The following MLLT10 variants were observed in gnomAD, a reference collection of about 807,000 sequenced individuals.
MLLT10 encodes protein AF-10.
MLLT10 carries 30 observed loss-of-function variants against 129.1 expected under a neutral mutation model. The ratio of observed to expected loss-of-function variants is 0.23; its 90% CI spans 0.17 to 0.32. MLLT10 has a LOEUF of 0.32. MLLT10 is among the 10% of genes least tolerant of loss of function. MLLT10 has a pLI of 1.00. For missense variants in MLLT10, 1,119 were observed against 1,268.3 expected, an observed-to-expected ratio of 0.88 and a Z score of 1.79; for synonymous variants, 490 against 446.4, an observed-to-expected ratio of 1.10 and a Z score of -1.23.
chr10:21,573,548 A>G (rs1345210080), intron 3 of MLLT10, among the ~76,000 whole-genome samples: 2 of 151,102 alleles, frequency 1.3e-5, no homozygotes, highest in African/African-American at 4.9e-5. Flanking sequence ...TCATTGTTTT[A>G]TTTTCAAATG....
chr10:21,647,658 G>A (rs1472584618), intron 8 of MLLT10, among the ~76,000 whole-genome samples: 1 of 149,516 alleles, frequency 6.7e-6, no homozygotes, highest in Non-Finnish European at 1.5e-5. Flanking sequence ...TAATACTTGG[G>A]TTGCATGTTT....
intron 3 of MLLT10, among the ~76,000 whole-genome samples, chr10:21,542,525 G>A (rs2035357314): frequency 6.6e-6 from 1 of 152,226 alleles, no homozygotes; most frequent in South Asian, 2.1e-4. Flanking sequence ...AGCTGAGATC[G>A]TGCCATTGCA....
rs1369521509 is a variant in MLLT10 at position 21,561,744 on chromosome 10, A to G, written c.240+22832A>G. ...CTTTTGTTGAAAATCACTTCACCAT[A>G]TAAGCGAGAGTTTATTTCTGAACTC... On this transcript the variant is annotated intron_variant, in intron 3 of 22. Coordinates refer to ENST00000307729, the MANE Select transcript of MLLT10 (RefSeq NM_001195626.3). 1.8e-4 allele frequency among the ~76,000 whole-genome samples: 27 copies of G among 152,206 alleles called. No individual in the cohort carries two copies. In the East Asian group the frequency reaches 4.8e-3, roughly 27 times the overall value.
Position 21,549,588 on chromosome 10 carries a change from C to T in MLLT10, c.240+10676C>T, listed in dbSNP as rs145353884. Among the ~76,000 whole-genome samples, 208 of 150,444 alleles carry T rather than the reference C, an allele frequency of 1.4e-3. 2 individuals are homozygous for T. Among genetic ancestry groups the T allele is most frequent in the African/African-American group, 4.8e-3 (195 of 41,036 alleles). Reference sequence around the variant, plus strand: ...GCTGGAACTGCAGTCATTGTGACTACAAAAGAAGTCCCAGGCAGAAAGAAG... The same window carrying T: ...GCTGGAACTGCAGTCATTGTGACTATAAAAGAAGTCCCAGGCAGAAAGAAG... On this transcript the variant is annotated intron_variant, in intron 3 of 22. Coordinates refer to ENST00000307729, the MANE Select transcript of MLLT10 (RefSeq NM_001195626.3).
chr10:21,702,468 A>C (rs539393384), intron 13 of MLLT10, among the ~76,000 whole-genome samples: 10 of 152,310 alleles, frequency 6.6e-5, no homozygotes, highest in African/African-American at 2.4e-4. Context: ...GTTGGAGTCC[A>C]GTGTTCGTTT....
chr10:21,733,573 C>A lies in MLLT10; in HGVS notation c.2477C>A (p.Ser826Tyr). The A allele has an allele frequency of 5.1e-6, 8 of 1,569,214 alleles. No homozygotes were observed. The highest frequency in any genetic ancestry group is 6.9e-6 in the Non-Finnish European group (8 of 1,161,252). ...HIGNSFLPDN[S>Y]LPVLNQDLTS... ...GGAAACAGCTTTTTACCTGATAATTCTCTTCCTGTATTAAATCAGGTAATT... is the reference window on the plus strand; with the variant it reads ...GGAAACAGCTTTTTACCTGATAATTATCTTCCTGTATTAAATCAGGTAATT... The change falls in exon 19 of 23, where the codon TCT (serine) becomes TAT (tyrosine). Residue 826 changes from serine to tyrosine, a missense_variant. Physicochemically the swap from Ser to Tyr is moderately radical, Grantham distance 144 (BLOSUM62 -2). Coordinates refer to ENST00000307729, the MANE Select transcript of MLLT10 (RefSeq NM_001195626.3).
At chr10:21,683,802 A>G (rs1470884868) in intron 13 of MLLT10, among the ~76,000 whole-genome samples, 2 of 151,054 alleles carry the variant, frequency 1.3e-5, no homozygotes, top group Non-Finnish European at 2.9e-5. Flanking sequence ...GTTGGAGTGC[A>G]GTGGCGTGAT....
intron 9 of MLLT10, among the ~76,000 whole-genome samples, chr10:21,660,210 G>T (rs187819983): frequency 3.3e-5 from 5 of 150,942 alleles, no homozygotes; most frequent in Admixed American, 3.3e-4. Context: ...TAAGCCATTT[G>T]CCCCCCCTTA....
intron 14 of MLLT10, among the ~76,000 whole-genome samples, chr10:21,714,664 T>A (rs1377897459): frequency 2.0e-5 from 3 of 152,148 alleles, no homozygotes; most frequent in Non-Finnish European, 4.4e-5. Context: ...CCCGACTAGC[T>A]GAGATTACAG....
At chr10:21,686,148 A>G (rs545524642) in intron 13 of MLLT10, among the ~76,000 whole-genome samples, 1 of 152,324 alleles carries the variant, frequency 6.6e-6, no homozygotes, top group African/African-American at 2.4e-5. Flanking sequence ...CTTACAATTT[A>G]TTAAGATCAT....
chr10:21,647,657 G>C (rs991993745), intron 8 of MLLT10, among the ~76,000 whole-genome samples: 1 of 151,706 alleles, frequency 6.6e-6, no homozygotes, highest in Admixed American at 6.6e-5. Flanking sequence ...TTAATACTTG[G>C]GTTGCATGTT....
rs200387764 is a variant in MLLT10, at chr10:21,673,903, A to T, written c.1605A>T (p.Ser535=). The T allele has an allele frequency of 5.1e-5, 82 of 1,597,726 alleles. No individual in the cohort carries two copies. In the South Asian group the frequency reaches 7.7e-4, roughly 15 times the overall value. ...GTTTACAGAGCCTCAGTGTTGGCTCATCTCCAGTTGGTTCAGGTAGGGGTT... is the reference window on the plus strand; with the variant it reads ...GTTTACAGAGCCTCAGTGTTGGCTCTTCTCCAGTTGGTTCAGGTAGGGGTT... ...NGSLQSLSVG[S]SPVGSEISMQ... The change falls in exon 11 of 23, where the codon TCA becomes TCT. Residue 535 remains serine (S), a synonymous_variant. Coordinates refer to ENST00000307729, the MANE Select transcript of MLLT10 (RefSeq NM_001195626.3).
In MLLT10 at chr10:21,570,583, T is replaced by G. The variant is rs1564431095; in HGVS notation, c.241-15711T>G. ...TATCACGTATTACATTTTTTAGTGG[T>G]TTTTTTTTTCTGTGTTTCATTTAGG... On this transcript the variant is annotated intron_variant, in intron 3 of 22. Coordinates refer to ENST00000307729, the MANE Select transcript of MLLT10 (RefSeq NM_001195626.3). Among the ~76,000 whole-genome samples, 6 of 149,552 alleles carry G rather than the reference T, an allele frequency of 4.0e-5. No individual in the cohort carries two copies. The Admixed American group carries it at 4.0e-4, about 10-fold the overall frequency.
chr10:21,624,909 T>C (rs2046277444), intron 8 of MLLT10: 4 of 1,292,814 alleles, frequency 3.1e-6, no homozygotes, highest in Non-Finnish European at 4.3e-6. Context: ...CTTTTGTGAA[T>C]AGCCAGCTCT....
intron 8 of MLLT10, among the ~76,000 whole-genome samples, chr10:21,642,253 T>G (rs2048079634): frequency 6.6e-6 from 1 of 152,176 alleles, no homozygotes; most frequent in Non-Finnish European, 1.5e-5. Flanking sequence ...CACTGGAGGC[T>G]GAGGCAGAAG....
intron 14 of MLLT10, among the ~76,000 whole-genome samples, chr10:21,723,932 A>G (rs1355787150): frequency 6.6e-6 from 1 of 152,192 alleles, no homozygotes; most frequent in South Asian, 2.1e-4. Flanking sequence ...TTCTTATTCT[A>G]TATTGTTTTA....
intron 8 of MLLT10, among the ~76,000 whole-genome samples, chr10:21,641,750 G>GT (rs1356166828): frequency 2.6e-5 from 4 of 152,322 alleles, no homozygotes; most frequent in Non-Finnish European, 5.9e-5. Context: ...CGTTGAAGAG[G>GT]TAAGACTGTC....
At chr10:21,568,920 C>T (rs190155035) in intron 3 of MLLT10, among the ~76,000 whole-genome samples, 8 of 152,346 alleles carry the variant, frequency 5.3e-5, no homozygotes. Context: ...CAGGCATGAG[C>T]CACTGCTCCT....
At chr10:21,629,015 T>C (rs2046752979) in intron 8 of MLLT10, among the ~76,000 whole-genome samples, 1 of 152,020 alleles carries the variant, frequency 6.6e-6, no homozygotes, top group African/African-American at 2.4e-5. Context: ...CCCAAAGTGC[T>C]GGGATTACAG....
Sources: allele counts gnomAD v4.1 joint callset (sites outside exome capture counted in the v4.1 genomes callset), GRCh38; gene constraint gnomAD v4.1.1; transcripts MANE v1.5; gene names NCBI Gene and HGNC (gene_info 2026-07-23, HGNC 2026-07-21).